Variants in SPOCK3 observed in about 807,000 individuals in gnomAD.
SPOCK3 encodes the protein testican-3.
In SPOCK3, 30 loss-of-function variants were observed where a neutral mutation model predicts 56.6. The ratio of observed to expected loss-of-function variants is 0.53; its 90% CI spans 0.40 to 0.72. SPOCK3 has a LOEUF of 0.72. SPOCK3 is among the 30% of genes least tolerant of loss of function. The pLI, the probability that SPOCK3 is intolerant of heterozygous loss-of-function variation, is 0.00. For synonymous variants in SPOCK3, 196 were observed against 183.3 expected (o/e 1.07, Z -0.56); for missense variants, 527 against 530.0 (o/e 0.99, Z 0.06).
intron 7 of SPOCK3, among the ~76,000 whole-genome samples, chr4:166,765,784 C>G (rs530065853): frequency 2.6e-5 from 4 of 152,072 alleles, no homozygotes; most frequent in East Asian, 3.9e-4. Flanking sequence ...GGGCAGTATG[C>G]CCATTTTTAT....
chr4:166,756,011 C>T (rs868575782), intron 7 of SPOCK3, among the ~76,000 whole-genome samples: 646 of 22,070 alleles, frequency 0.029, 242 homozygotes, highest in African/African-American at 0.11. Flanking sequence ...AGACAGTGGG[C>T]GCAGGCCAGT....
At chr4:167,178,583 C>CAT in intron 2 of SPOCK3, among the ~76,000 whole-genome samples, 1 of 152,194 alleles carries the variant, frequency 6.6e-6, no homozygotes, top group East Asian at 1.9e-4. Flanking sequence ...GTTTGACCAA[C>CAT]ATATATTAAT....
At chr4:166,747,593 C>G in intron 8 of SPOCK3, among the ~76,000 whole-genome samples, 1 of 152,176 alleles carries the variant, frequency 6.6e-6, no homozygotes, top group South Asian at 2.1e-4. Context: ...GATGCCTTCT[C>G]TCACTACTCC....
chr4:166,763,953 G>C (rs1253763390), intron 7 of SPOCK3, among the ~76,000 whole-genome samples: 1 of 151,966 alleles, frequency 6.6e-6, no homozygotes, highest in African/African-American at 2.4e-5. Flanking sequence ...CCTTTCTTGG[G>C]GCCATAGCAA....
chr4:166,890,737 G>A (rs1734683319), intron 5 of SPOCK3, among the ~76,000 whole-genome samples: 3 of 151,942 alleles, frequency 2.0e-5, no homozygotes. Context: ...CTGTTGATTT[G>A]GGGTGGAGAG....
At position 167,161,166 on chromosome 4, in the gene SPOCK3, G is replaced by A. The variant is rs567678719; in HGVS notation, c.189+72819C>T. 5.3e-5 allele frequency among the ~76,000 whole-genome samples: 8 copies of A among 152,118 alleles called. No individual in the cohort carries two copies. In the South Asian group the frequency reaches 1.0e-3, roughly 20 times the overall value. ...TCATCTGACAAAGGGCTAATATCCC[G>A]AATCTACAAAGAACTCAAACAAATT... On this transcript the variant is annotated intron_variant, in intron 2 of 10. Transcript: ENST00000357545.
At chr4:166,886,144 T>C (rs1284534122) in intron 6 of SPOCK3, among the ~76,000 whole-genome samples, 1 of 152,170 alleles carries the variant, frequency 6.6e-6, no homozygotes, top group Non-Finnish European at 1.5e-5. Context: ...TCATAGACCA[T>C]GCTCACAACT....
At chr4:166,991,097 C>T (rs1335497008) in intron 4 of SPOCK3, among the ~76,000 whole-genome samples, 5 of 151,822 alleles carry the variant, frequency 3.3e-5, no homozygotes, top group Admixed American at 6.6e-5. Flanking sequence ...TTTTAAGTCT[C>T]CTTATCTTGT....
At chr4:166,754,009 G>C (rs1236511095) in intron 8 of SPOCK3, 3 of 730,076 alleles carry the variant, frequency 4.1e-6, no homozygotes, top group East Asian at 1.3e-4. Flanking sequence ...TAAAAGGTAA[G>C]CTATTTTGAA....
chr4:167,234,244 G>C, intron 1 of SPOCK3, 71 bp from the exon 2 acceptor site: 1 of 1,514,162 alleles, frequency 6.6e-7, no homozygotes, highest in Non-Finnish European at 9.1e-7. Context: ...AGCCAGGAGC[G>C]ACCCTGGAAA....
chr4:167,065,581 A>G (rs1309089763), intron 2 of SPOCK3, among the ~76,000 whole-genome samples: 1 of 151,770 alleles, frequency 6.6e-6, no homozygotes, highest in Non-Finnish European at 1.5e-5. Context: ...TCAGACATAT[A>G]TATGATGGAA....
intron 4 of SPOCK3, among the ~76,000 whole-genome samples, chr4:166,973,118 T>C (rs1475928860): frequency 6.6e-6 from 1 of 152,106 alleles, no homozygotes; most frequent in African/African-American, 2.4e-5. Context: ...GATGTTCTTG[T>C]GATAGTGAGT....
At chr4:166,750,310 A>C (rs1579113710) in intron 8 of SPOCK3, among the ~76,000 whole-genome samples, 1 of 152,094 alleles carries the variant, frequency 6.6e-6, no homozygotes, top group East Asian at 1.9e-4. Flanking sequence ...AATTGCATTA[A>C]AGTTTGGACA....
At chr4:167,024,893 A>G (rs1751558150) in intron 3 of SPOCK3, among the ~76,000 whole-genome samples, 1 of 152,058 alleles carries the variant, frequency 6.6e-6, no homozygotes, top group African/African-American at 2.4e-5. Flanking sequence ...CCTTTAAAAA[A>G]TATTGTATTT....
intron 2 of SPOCK3, among the ~76,000 whole-genome samples, chr4:167,182,574 G>A (rs189646129): frequency 8.6e-5 from 13 of 151,196 alleles, no homozygotes; most frequent in Non-Finnish European, 1.6e-4. Flanking sequence ...AAGTCTTGCT[G>A]TATTGCCCAG....
chr4:167,030,947 C>A (rs961528374), intron 3 of SPOCK3, among the ~76,000 whole-genome samples: 3 of 152,022 alleles, frequency 2.0e-5, no homozygotes, highest in African/African-American at 7.2e-5. Flanking sequence ...CTCCATTTCC[C>A]GTCTGTGAGA....
In SPOCK3 at chr4:166,799,430, G is replaced by A. The variant is rs1435773976; in HGVS notation, c.590-7141C>T. ...GAAGGCCGAATACCTGAGGACATTT[G>A]CCCAGGCTATTGCTACAACCGAGGA... On this transcript the variant is annotated intron_variant, in intron 6 of 10. Transcript: ENST00000357545. Among the ~76,000 whole-genome samples, 10 of 152,226 alleles carry A rather than the reference G, an allele frequency of 6.6e-5. No individual in the cohort carries two copies. The East Asian group carries it at 1.9e-3, about 30-fold the overall frequency.
chr4:167,087,601 G>A (rs945787740), intron 2 of SPOCK3, among the ~76,000 whole-genome samples: 12 of 152,072 alleles, frequency 7.9e-5, no homozygotes, highest in African/African-American at 1.9e-4. Flanking sequence ...GTTAGGAATC[G>A]TTCAGAGTCA....
intron 7 of SPOCK3, among the ~76,000 whole-genome samples, chr4:166,788,762 A>T: frequency 6.6e-6 from 1 of 151,788 alleles, no homozygotes; most frequent in East Asian, 1.9e-4. Flanking sequence ...ACGTTTTTTT[A>T]AAAAACTATA....
Sources: allele counts gnomAD v4.1 joint callset (sites outside exome capture counted in the v4.1 genomes callset), GRCh38; gene constraint gnomAD v4.1.1; transcripts MANE v1.5; gene names NCBI Gene and HGNC (gene_info 2026-07-23, HGNC 2026-07-21).